MEIS1: variants seen among roughly 807,000 people sequenced by gnomAD.
The protein encoded by MEIS1 is Meis homeobox 1, also known as homeobox protein Meis1.
Under a neutral mutation model 50.8 loss-of-function variants are expected in MEIS1, and 5 were observed. That is an observed-to-expected ratio of 0.10 (90% CI 0.05 to 0.21). The LOEUF (loss-of-function observed/expected upper bound fraction) is 0.21, where lower values mean the gene tolerates loss of function less well. MEIS1 is among the 10% of genes least tolerant of loss of function. MEIS1 has a pLI of 1.00. For synonymous variants in MEIS1, 176 were observed against 179.3 expected (o/e 0.98, Z 0.15); for missense variants, 318 against 517.3 (o/e 0.61, Z 3.74).
intron 9 of MEIS1, among the ~76,000 whole-genome samples, chr2:66,564,922 A>G (rs1412828895): frequency 1.3e-5 from 2 of 151,616 alleles, no homozygotes; most frequent in Non-Finnish European, 2.9e-5. Flanking sequence ...CAAGACCGCA[A>G]TTACTTTTGC....
chr2:66,450,865 G>T (rs1301463436), intron 6 of MEIS1, among the ~76,000 whole-genome samples: 1 of 151,940 alleles, frequency 6.6e-6, no homozygotes, highest in African/African-American at 2.4e-5. Context: ...TAAATTTCTG[G>T]GTTGTTGGTT....
intron 9 of MEIS1, among the ~76,000 whole-genome samples, chr2:66,560,351 C>A (rs367947236): frequency 1.3e-5 from 2 of 151,326 alleles, no homozygotes; most frequent in Admixed American, 1.3e-4. Flanking sequence ...TTTGGGAGGC[C>A]GAGGAGGTTG....
intron 8 of MEIS1, among the ~76,000 whole-genome samples, 197 bp downstream of exon 8, chr2:66,512,491 G>A (rs970494727): frequency 3.3e-5 from 5 of 152,086 alleles, no homozygotes; most frequent in African/African-American, 7.2e-5. Context: ...TAAAATTCAC[G>A]ATTGCGATTT....
chr2:66,462,618 T>C (rs185911295), intron 6 of MEIS1, among the ~76,000 whole-genome samples: 1 of 152,312 alleles, frequency 6.6e-6, no homozygotes, highest in East Asian at 1.9e-4. Flanking sequence ...GCTGCAGTTG[T>C]ACAAACTGAA....
At position 66,504,954 on chromosome 2, in the gene MEIS1, C is replaced by G. The variant is rs77316871; in HGVS notation, c.743-7195C>G. On this transcript the variant is annotated intron_variant, in intron 7 of 12. Transcript: ENST00000272369. Reference sequence around the variant, plus strand: ...TCACTTTGCGCTAAGAACAAGGAAGCCTTAAATATCTATGGATAAGAGAAG... The same window carrying G: ...TCACTTTGCGCTAAGAACAAGGAAGGCTTAAATATCTATGGATAAGAGAAG... Among the ~76,000 whole-genome samples the G allele has an allele frequency of 5.1e-4, 78 of 152,224 alleles. 5 individuals carry two copies. The East Asian group carries it at 0.014, about 28-fold the overall frequency.
intron 4 of MEIS1, chr2:66,441,022 A>C (rs1468805585): frequency 3.1e-6 from 1 of 325,648 alleles, no homozygotes; most frequent in Non-Finnish European, 5.5e-6. Flanking sequence ...GGAAGGCAGC[A>C]GAAACTTTGC....
rs1246096533 is a variant in MEIS1, at chr2:66,538,245, TCAAATCCC to T, written c.889-9697_889-9690del. On this transcript the variant is annotated intron_variant, in intron 8 of 12. Coordinates refer to ENST00000272369, the MANE Select transcript of MEIS1 (RefSeq NM_002398.3). ...AGGCTGTGCAATTGACTACTTAGAG[TCAAATCCC>T]AGCTCTATTTTACTTGCCAGTAAAT... Among the ~76,000 whole-genome samples, 3 of 152,120 alleles carry T rather than the reference TCAAATCCC, an allele frequency of 2.0e-5. No homozygotes were observed. In the East Asian group the frequency reaches 5.8e-4, roughly 29 times the overall value.
chr2:66,552,633 G>A (rs987479560), intron 9 of MEIS1, among the ~76,000 whole-genome samples: 1 of 152,070 alleles, frequency 6.6e-6, no homozygotes. Flanking sequence ...TTATGAGTGG[G>A]AAAAAAGTAT....
Position 66,437,898 on chromosome 2 carries a change from C to T in MEIS1, c.174C>T (p.Ala58=), listed in dbSNP as rs750400276. ...HQYPHTAHTN[A]MAPSMGSSVN... is the part of the protein sequence containing the mutation. ...ACCCGCACACAGCTCATACCAACGC[C>T]ATGGCCCCCAGCATGGGCTCCTCTG... The change falls in exon 2 of 13, where the codon GCC becomes GCT. Residue 58 remains alanine (A), a synonymous_variant. Coordinates refer to ENST00000272369, the MANE Select transcript of MEIS1 (RefSeq NM_002398.3). 6.2e-7 allele frequency: 1 copy of T among 1,609,042 alleles called. No homozygotes were observed. Among genetic ancestry groups the T allele is most frequent in the Non-Finnish European group, 8.5e-7 (1 of 1,177,664 alleles).
At chr2:66,541,187 A>T (rs1172457964) in intron 8 of MEIS1, among the ~76,000 whole-genome samples, 1 of 151,708 alleles carries the variant, frequency 6.6e-6, no homozygotes, top group Admixed American at 6.6e-5. Context: ...ACAGGTGCCC[A>T]CCACCATGCC....
At chr2:66,493,699 T>G (rs1305398829) in intron 7 of MEIS1, among the ~76,000 whole-genome samples, 2 of 152,230 alleles carry the variant, frequency 1.3e-5, no homozygotes, top group East Asian at 3.8e-4. Context: ...TGTTCCTAAC[T>G]GTCTGACTCC....
intron 7 of MEIS1, among the ~76,000 whole-genome samples, chr2:66,488,217 G>A (rs967425731): frequency 1.3e-5 from 2 of 152,156 alleles, no homozygotes; most frequent in Non-Finnish European, 2.9e-5. Flanking sequence ...TGATGGAAGA[G>A]TGTGGGTCAG....
chr2:66,550,463 CCTGTTTTGTTT>C (rs1430932475), intron 9 of MEIS1, among the ~76,000 whole-genome samples: 1 of 130,960 alleles, frequency 7.6e-6, no homozygotes, highest in Non-Finnish European at 1.6e-5. Flanking sequence ...GAAACCTCTT[CCTGTTTTGTTT>C]TGTTTTGTTT....
intron 7 of MEIS1, among the ~76,000 whole-genome samples, chr2:66,469,909 T>G (rs970673650): frequency 6.6e-6 from 1 of 151,236 alleles, no homozygotes; most frequent in Admixed American, 6.6e-5. Context: ...AAGTTAATAC[T>G]GCTTGTTTCT....
intron 7 of MEIS1, among the ~76,000 whole-genome samples, chr2:66,476,383 G>A (rs1036187182): frequency 6.6e-5 from 10 of 152,002 alleles, no homozygotes; most frequent in Admixed American, 2.0e-4. Context: ...GCATATGAGA[G>A]GATTACTCCC....
At chr2:66,440,415 C>A in intron 3 of MEIS1, 147 bp from the exon 4 acceptor site, 1 of 707,722 alleles carries the variant, frequency 1.4e-6, no homozygotes, top group South Asian at 1.6e-5. Context: ...GCGGGACGAA[C>A]TCGGTGTCAC....
intron 7 of MEIS1, among the ~76,000 whole-genome samples, chr2:66,486,891 GTC>G (rs1166311990): frequency 6.6e-6 from 1 of 151,836 alleles, no homozygotes; most frequent in Non-Finnish European, 1.5e-5. Context: ...CATGATTTGG[GTC>G]TCTGTCTATT....
At chr2:66,509,102 G>A in intron 7 of MEIS1, 1 of 469,604 alleles carries the variant, frequency 2.1e-6, no homozygotes, top group Non-Finnish European at 4.4e-6. Flanking sequence ...ATCAAATTGC[G>A]GAGTGAATGG....
intron 7 of MEIS1, among the ~76,000 whole-genome samples, chr2:66,481,010 A>C (rs189278735): frequency 1.7e-3 from 264 of 151,836 alleles, no homozygotes; most frequent in Middle Eastern, 0.01. Context: ...AAAAAAAAAA[A>C]CAAAAAAACA....
Sources: allele counts gnomAD v4.1 joint callset (sites outside exome capture counted in the v4.1 genomes callset), GRCh38; gene constraint gnomAD v4.1.1; transcripts MANE v1.5; gene names NCBI Gene and HGNC (gene_info 2026-07-23, HGNC 2026-07-21).